Variants in NDUFS1 observed in about 807,000 individuals in gnomAD.
NDUFS1 encodes NADH-ubiquinone oxidoreductase 75 kDa subunit, mitochondrial.
NDUFS1 carries 61 observed loss-of-function variants against 84.4 expected under a neutral mutation model. The observed-to-expected ratio is 0.72, with a 90% confidence interval of 0.59 to 0.89. NDUFS1 has a LOEUF of 0.89. NDUFS1 is among the 40% of genes least tolerant of loss of function. NDUFS1 has a pLI of 0.00. For missense variants in NDUFS1, 891 were observed against 890.0 expected, an observed-to-expected ratio of 1.00 and a Z score of -0.01; for synonymous variants, 275 against 290.0, an observed-to-expected ratio of 0.95 and a Z score of 0.53.
In NDUFS1 at chr2:206,146,963, C is replaced by T; in HGVS notation, c.677G>A (p.Cys226Tyr). The T allele has an allele frequency of 5.0e-6, 8 of 1,614,090 alleles. No homozygotes were observed. Among genetic ancestry groups the T allele is most frequent in the Non-Finnish European group, 6.8e-6 (8 of 1,179,972 alleles). Residue 226 changes from cysteine (C) to tyrosine (Y), a missense_variant, in exon 8 of 19, where the codon TGC (cysteine) becomes TAC (tyrosine). Transcript: ENST00000233190. Reference sequence around the variant, plus strand: ...CTTAGAGGTTAGGGCACCTACAGGGCAGATATCAATGATATTCCCAGACAG... The same window carrying T: ...CTTAGAGGTTAGGGCACCTACAGGGTAGATATCAATGATATTCCCAGACAG... The part of the protein sequence containing the change: ...SELSGNIIDI[C>Y]PVGALTSKPY...
At chr2:206,130,332 A>G in intron 14 of NDUFS1, 90 bp from the exon 15 acceptor site, 1 of 1,465,924 alleles carries the variant, frequency 6.8e-7, no homozygotes, top group Non-Finnish European at 9.4e-7. Context: ...CCTTTCAACA[A>G]TGTCAAAAAA....
At chr2:206,128,614 C>T (rs1299829548) in intron 15 of NDUFS1, among the ~76,000 whole-genome samples, 1 of 151,678 alleles carries the variant, frequency 6.6e-6, no homozygotes, top group African/African-American at 2.4e-5. Context: ...TGCATCTCTA[C>T]TAAAAATACA....
At chr2:206,146,325 G>A (rs1323935137) in intron 8 of NDUFS1, among the ~76,000 whole-genome samples, 2 of 152,192 alleles carry the variant, frequency 1.3e-5, no homozygotes, top group African/African-American at 4.8e-5. Flanking sequence ...TAAGGACACA[G>A]AAATTACACA....
At chr2:206,132,692 GGT>G (rs1559046944) in intron 14 of NDUFS1, among the ~76,000 whole-genome samples, 2 of 152,000 alleles carry the variant, frequency 1.3e-5, no homozygotes, top group African/African-American at 2.4e-5. Context: ...TTTGAACCAA[GGT>G]GTAACTAATA....
In NDUFS1 at chr2:206,144,039, C is replaced by A. The variant is rs1127566; in HGVS notation, c.966G>T (p.Ala322=). 0.44 allele frequency: 709,831 copies of A among 1,609,870 alleles called. 161,075 individuals carry two copies. The highest frequency in any genetic ancestry group is 0.65 in the African/African-American group (48,443 of 74,830). Residue 322 remains alanine, a synonymous_variant, in exon 10 of 19, where the codon GCG becomes GCT. Transcript: ENST00000233190. The part of the protein sequence containing the change: ...GLLTYTSWED[A]LSRVAGMLQS... ...TTACCATTCCAGCTACGCGAGAGAGCGCATCCTCCCAAGAAGTATAGGTTA... is the reference window on the plus strand; with the variant it reads ...TTACCATTCCAGCTACGCGAGAGAGAGCATCCTCCCAAGAAGTATAGGTTA...
chr2:206,137,965 T>C (rs1349713879), intron 13 of NDUFS1, among the ~76,000 whole-genome samples: 2 of 152,226 alleles, frequency 1.3e-5, no homozygotes, highest in African/African-American at 4.8e-5. Flanking sequence ...TGTTTGACTA[T>C]TCATCCATCT....
intron 12 of NDUFS1, 134 bp downstream of exon 12, chr2:206,141,807 A>AG: frequency 2.4e-6 from 2 of 829,386 alleles, no homozygotes; most frequent in African/African-American, 3.5e-5. Context: ...CCAAAAAAAA[A>AG]AAAAAAAATT....
In NDUFS1 at chr2:206,126,705, G is replaced by A. The variant is rs1691307042; in HGVS notation, c.2019+5C>T. 6.2e-7 allele frequency: 1 copy of A among 1,614,112 alleles called. No individual in the cohort carries two copies. Among genetic ancestry groups the A allele is most frequent in the Non-Finnish European group, 8.5e-7 (1 of 1,180,018 alleles). ...TATGAAAACTGCTCATAGGCGAGCT[G>A]TTACCTTTGAGAGCTCATTTGCTTG... On this transcript the variant is annotated splice_donor_5th_base_variant and intron_variant, in intron 17 of 18. Coordinates refer to ENST00000233190, the MANE Select transcript of NDUFS1 (RefSeq NM_005006.7).
At chr2:206,130,966 C>T (rs933044663) in intron 14 of NDUFS1, among the ~76,000 whole-genome samples, 3 of 151,946 alleles carry the variant, frequency 2.0e-5, no homozygotes, top group Admixed American at 2.0e-4. Context: ...CAGCAAAAAC[C>T]ATAATGAGAA....
chr2:206,147,168 A>AT (rs1692186574), intron 7 of NDUFS1, 80 bp from the exon 8 acceptor site: 3 of 1,392,138 alleles, frequency 2.2e-6, no homozygotes, highest in Admixed American at 3.4e-5. Flanking sequence ...CAAAGAGATG[A>AT]TTTTCCAAAC....
chr2:206,140,646 A>T (rs1469970004), intron 12 of NDUFS1, among the ~76,000 whole-genome samples: 1 of 151,528 alleles, frequency 6.6e-6, no homozygotes, highest in African/African-American at 2.4e-5. Context: ...ATGCCCGGCT[A>T]ATTTTGTATT....
Position 206,119,169 on chromosome 2 carries a change from G to GA in NDUFS1, c.*5015dup, listed in dbSNP as rs1691029878. ...GGCATGGCTTTCCCTCATAGTCTATGAAATTTTCCTACAATGATCATCCTC... is the reference window on the plus strand; with the variant it reads ...GGCATGGCTTTCCCTCATAGTCTATGAAAATTTTCCTACAATGATCATCCTC... On this transcript the variant is annotated 3_prime_UTR_variant, in exon 19 of 19. Coordinates refer to ENST00000233190, the MANE Select transcript of NDUFS1 (RefSeq NM_005006.7). 6.6e-6 allele frequency: 1 copy of GA among 152,158 alleles called. No individual in the cohort carries two copies. The highest frequency in any genetic ancestry group is 1.5e-5 in the Non-Finnish European group (1 of 68,032). 9.4% of individuals were successfully genotyped at this position (152,158 alleles called of 1,614,324 possible).
At position 206,121,021 on chromosome 2, in the gene NDUFS1, T is replaced by C. The variant is rs1379451024; in HGVS notation, c.*3164A>G. ...AACACTCCTGCCATTAGTATCTAGC[T>C]GTGTAGCCATAAATAAGTTATTTGA... On this transcript the variant is annotated 3_prime_UTR_variant, in exon 19 of 19. Transcript: ENST00000233190. The C allele has an allele frequency of 6.6e-6, 1 of 152,260 alleles. No homozygotes were observed. Among genetic ancestry groups the C allele is most frequent in the Non-Finnish European group, 1.5e-5 (1 of 68,046 alleles). The allele number at this position is 152,260 out of a possible 1,614,324, so 9.4% of individuals were successfully genotyped here.
chr2:206,139,189 A>T (rs1267311906), intron 12 of NDUFS1, among the ~76,000 whole-genome samples: 1 of 151,850 alleles, frequency 6.6e-6, no homozygotes, highest in Non-Finnish European at 1.5e-5. Flanking sequence ...TTTATTTATT[A>T]ATTTATTTAT....
At chr2:206,125,549 A>G (rs1691259775) in intron 18 of NDUFS1, among the ~76,000 whole-genome samples, 1 of 150,758 alleles carries the variant, frequency 6.6e-6, no homozygotes, top group Admixed American at 6.6e-5. Flanking sequence ...AATATAATAT[A>G]TATGTGTATA....
chr2:206,144,195 T>A, intron 9 of NDUFS1, 63 bp from the exon 10 acceptor site: 1 of 1,242,200 alleles, frequency 8.1e-7, no homozygotes, highest in Non-Finnish European at 1.2e-6. Context: ...ATTTTCAAGT[T>A]AAATCAACAA....
rs573953632 is a variant in NDUFS1 at position 206,129,085 on chromosome 2, AAAG to A, written c.1708+1000_1708+1002del. On this transcript the variant is annotated intron_variant, in intron 15 of 18. Transcript: ENST00000233190. ...TGGCAGAAGAAAAAAGTTATTCAGA[AAAG>A]AAGACCTTTAGAAACATCTGAATCA... Among the ~76,000 whole-genome samples the A allele has an allele frequency of 2.0e-3, 312 of 152,264 alleles. 1 individual carries two copies. Among genetic ancestry groups the A allele is most frequent in the African/African-American group, 7.1e-3 (294 of 41,558 alleles).
chr2:206,129,080 T>A (rs1303069732), intron 15 of NDUFS1, among the ~76,000 whole-genome samples: 1 of 151,976 alleles, frequency 6.6e-6, no homozygotes, highest in East Asian at 1.9e-4. Flanking sequence ...AAAAAGTTAT[T>A]CAGAAAAGAA....
rs1480617027 is a variant in NDUFS1 at position 206,153,699 on chromosome 2, G to T, written c.-4-17C>A. On this transcript the variant is annotated splice_polypyrimidine_tract_variant and intron_variant, in intron 1 of 18. Coordinates refer to ENST00000233190, the MANE Select transcript of NDUFS1 (RefSeq NM_005006.7). ...AACATATTGCTAAAAATAAAACAAAGAATTATATTATTGTAGGGAAAAAAA... is the reference window on the plus strand; with the variant it reads ...AACATATTGCTAAAAATAAAACAAATAATTATATTATTGTAGGGAAAAAAA... 1.5e-6 allele frequency: 2 copies of T among 1,333,828 alleles called. No individual in the cohort carries two copies. Among genetic ancestry groups the T allele is most frequent in the East Asian group, 2.3e-5 (1 of 43,382 alleles). The allele number at this position is 1,333,828 out of a possible 1,614,324, so 82.6% of individuals were successfully genotyped here. A position where few individuals can be genotyped will look rare whatever the true frequency, so the allele number is the denominator to read the frequency against.
Sources: allele counts gnomAD v4.1 joint callset (sites outside exome capture counted in the v4.1 genomes callset), GRCh38; gene constraint gnomAD v4.1.1; transcripts MANE v1.5; gene names NCBI Gene and HGNC (gene_info 2026-07-23, HGNC 2026-07-21).